The following ST7L variants were observed in gnomAD, a reference collection of about 807,000 sequenced individuals.
The protein encoded by ST7L is suppression of tumorigenicity 7 like, also known as suppressor of tumorigenicity 7 protein-like.
In ST7L, 57 loss-of-function variants were observed where a neutral mutation model predicts 72.5. The ratio of observed to expected loss-of-function variants is 0.79; its 90% confidence interval spans 0.64 to 0.98. The LOEUF is 0.98. ST7L is among the 50% of genes least tolerant of loss of function. The pLI is 0.00. For missense variants in ST7L, 576 were observed against 672.2 expected, an observed-to-expected ratio of 0.86 and a Z score of 1.58; for synonymous variants, 221 against 240.9, an observed-to-expected ratio of 0.92 and a Z score of 0.77.
intron 2 of ST7L, among the ~76,000 whole-genome samples, chr1:112,613,876 C>T (rs192370994): frequency 4.5e-4 from 69 of 152,124 alleles, no homozygotes; most frequent in African/African-American, 1.6e-3. Flanking sequence ...TACAGGAATG[C>T]GCCACCACAA....
chr1:112,598,983 C>T (rs1355241419), intron 4 of ST7L, among the ~76,000 whole-genome samples: 3 of 146,426 alleles, frequency 2.0e-5, no homozygotes, highest in Non-Finnish European at 3.0e-5. Context: ...TCACTTGAAC[C>T]CAGGAGGAGG....
chr1:112,558,193 A>C (rs1351245534), intron 11 of ST7L, among the ~76,000 whole-genome samples: 1 of 152,208 alleles, frequency 6.6e-6, no homozygotes, highest in Non-Finnish European at 1.5e-5. Context: ...TAAGATACAA[A>C]TTATGTTAAC....
chr1:112,586,135 C>G (rs56225006), intron 6 of ST7L, among the ~76,000 whole-genome samples: 1 of 152,176 alleles, frequency 6.6e-6, no homozygotes, highest in Non-Finnish European at 1.5e-5. Context: ...GCTTTAAACA[C>G]TGGCCTTCCT....
At chr1:112,619,147 G>C (rs1231712049), upstream of ST7L, 1 of 1,604,228 alleles carries the variant, frequency 6.2e-7, no homozygotes, top group Admixed American at 1.7e-5. Context: ...GAGCTGGGAG[G>C]GGAGAAGGAC....
At chr1:112,601,125 C>T (rs1278661843) in intron 3 of ST7L, among the ~76,000 whole-genome samples, 2 of 152,174 alleles carry the variant, frequency 1.3e-5, no homozygotes, top group African/African-American at 2.4e-5. Flanking sequence ...AGTTTTAAAA[C>T]TTCGCTCATT....
chr1:112,619,630 A>C, upstream of ST7L: 1 of 573,898 alleles, frequency 1.7e-6, no homozygotes, highest in Non-Finnish European at 3.1e-6. Flanking sequence ...GAAAGATATT[A>C]GACTTCAAAT....
chr1:112,526,033 G>A lies in ST7L; in HGVS notation c.1708C>T (p.Leu570=). The change falls in exon 15 of 15, where the codon CTA becomes TTA. Residue 570 remains leucine (L), a synonymous_variant. Coordinates refer to ENST00000358039, the MANE Select transcript of ST7L (RefSeq NM_017744.5). ...GTGGCTCAGCCAGAACTCAAACCTA[G>A]GTCTTCTGACTTCAAATCCTGTGTA... The part of the protein sequence containing the change: ...ENTQDLKSED[L]GLSSG 1.2e-6 allele frequency: 2 copies of A among 1,614,126 alleles called. No individual in the cohort carries two copies. The highest frequency in any genetic ancestry group is 1.7e-5 in the Admixed American group (1 of 60,020).
At chr1:112,558,434 A>T (rs1359869174) in intron 11 of ST7L, among the ~76,000 whole-genome samples, 1 of 152,230 alleles carries the variant, frequency 6.6e-6, no homozygotes. Context: ...TACTTTATTT[A>T]ATCAATATAC....
At chr1:112,520,602 TG>T, downstream of ST7L, 2 of 1,299,916 alleles carry the variant, frequency 1.5e-6, no homozygotes, top group Non-Finnish European at 2.2e-6. Context: ...CCCTCCACCC[TG>T]GGCTGCTACC....
intron 1 of ST7L, among the ~76,000 whole-genome samples, chr1:112,617,717 T>TCACA (rs56216561): frequency 0.025 from 3,118 of 126,378 alleles, 61 homozygotes; most frequent in Non-Finnish European, 0.032. Context: ...TTTCTCTCTC[T>TCACA]CACACACACA....
Position 112,618,914 on chromosome 1 carries a change from G to T in ST7L, c.200C>A (p.Ala67Glu). The change falls in exon 1 of 15, where the codon GCA becomes GAA. Residue 67 changes from alanine to glutamate, a missense_variant. Ala to Glu is a moderately radical substitution (Grantham distance 107). Transcript: ENST00000358039. ...RIPLRLCENL[A>E]AVTVFLNSLT... Reference sequence around the variant, plus strand: ...AGGAGGTCTGGTCCTCTCACCCGCTGCCAAATTCTCACACAGCCTCAAAGG... The same window carrying T: ...AGGAGGTCTGGTCCTCTCACCCGCTTCCAAATTCTCACACAGCCTCAAAGG... 2 of 1,559,762 alleles carry T rather than the reference G, an allele frequency of 1.3e-6. No homozygotes were observed. Among genetic ancestry groups the T allele is most frequent in the Non-Finnish European group, 1.7e-6 (2 of 1,151,882 alleles).
chr1:112,583,717 A>G (rs182362140), intron 7 of ST7L, among the ~76,000 whole-genome samples: 12 of 152,350 alleles, frequency 7.9e-5, no homozygotes, highest in Admixed American at 7.8e-4. Context: ...CTCACATGAA[A>G]TAAATTACTG....
chr1:112,579,969 T>C (rs1663821751), intron 9 of ST7L, among the ~76,000 whole-genome samples: 1 of 152,232 alleles, frequency 6.6e-6, no homozygotes, highest in Admixed American at 6.5e-5. Flanking sequence ...ATGGAAAGAA[T>C]TTCTCACAAA....
intron 1 of ST7L, chr1:112,618,121 T>C: frequency 7.7e-7 from 1 of 1,292,086 alleles, no homozygotes; most frequent in Middle Eastern, 2.1e-4. Flanking sequence ...GTTCTGAGGT[T>C]GCTGCTCAGA....
chr1:112,608,576 T>C (rs1008942171), intron 3 of ST7L, among the ~76,000 whole-genome samples: 4 of 152,234 alleles, frequency 2.6e-5, no homozygotes, highest in African/African-American at 9.6e-5. Context: ...TCATTATTAA[T>C]GGCATATTCA....
chr1:112,541,675 C>T, intron 14 of ST7L: 1 of 588,058 alleles, frequency 1.7e-6, no homozygotes, highest in Non-Finnish European at 2.4e-6. Flanking sequence ...GTAACAAATG[C>T]TGTTTATCAC....
At position 112,534,721 on chromosome 1, in the gene ST7L, C is replaced by G. The variant is rs368309377; in HGVS notation, c.1629+7230G>C. Among the ~76,000 whole-genome samples the G allele has an allele frequency of 1.1e-3, 166 of 152,236 alleles. 1 individual carries two copies. The highest frequency in any genetic ancestry group is 8.7e-3 in the South Asian group (42 of 4,820). On this transcript the variant is annotated intron_variant, in intron 14 of 14. Coordinates refer to ENST00000358039, the MANE Select transcript of ST7L (RefSeq NM_017744.5). ...TAGAGATGTTTTCTAAAACAAAGAT[C>G]AGTGTTTCCTATTGTGAATTATAAT...
At chr1:112,539,724 C>A in intron 14 of ST7L, 2 of 984,606 alleles carry the variant, frequency 2.0e-6, no homozygotes, top group Middle Eastern at 1.0e-3. Flanking sequence ...ACAGTCATTT[C>A]CCATTAACTC....
rs764981338 is a variant in ST7L at position 112,616,733 on chromosome 1, ACT to A, written c.288+78_288+79del. On this transcript the variant is annotated intron_variant, in intron 2 of 14. Coordinates refer to ENST00000358039, the MANE Select transcript of ST7L (RefSeq NM_017744.5). ...ACTCCAGCCTGGGCGACAGAGCAAG[ACT>A]CTGTCTCAAAAAAGAAAAAAAAAAA... 36 of 1,008,056 alleles carry A rather than the reference ACT, an allele frequency of 3.6e-5. No individual in the cohort carries two copies. The East Asian group carries it at 5.6e-4, about 16-fold the overall frequency. The allele number at this position is 1,008,056 out of a possible 1,614,324, so 62.4% of individuals were successfully genotyped here.
Sources: allele counts gnomAD v4.1 joint callset (sites outside exome capture counted in the v4.1 genomes callset), GRCh38; gene constraint gnomAD v4.1.1; transcripts MANE v1.5; gene names NCBI Gene and HGNC (gene_info 2026-07-23, HGNC 2026-07-21).